Variants in GC observed in about 807,000 individuals in gnomAD.
GC encodes the protein vitamin D-binding protein.
Under a neutral mutation model 56.7 loss-of-function variants are expected in GC, and 43 were observed. The ratio of observed to expected loss-of-function variants is 0.76; its 90% CI spans 0.59 to 0.98. GC has a LOEUF of 0.98. GC is among the 50% of genes least tolerant of loss of function. GC has a pLI of 0.00. For missense variants in GC, 529 were observed against 545.9 expected (o/e 0.97, Z 0.31); for synonymous variants, 216 against 202.7 (o/e 1.07, Z -0.56).
At chr4:71,742,790 T>G (rs1741225501) in intron 12 of GC, among the ~76,000 whole-genome samples, 1 of 152,126 alleles carries the variant, frequency 6.6e-6, no homozygotes, top group Admixed American at 6.6e-5. Context: ...CTGGCTAACA[T>G]GGTGAAACCC....
At chr4:71,803,008 G>A (rs979728761) in intron 1 of GC, among the ~76,000 whole-genome samples, 17 of 152,214 alleles carry the variant, frequency 1.1e-4, no homozygotes, top group African/African-American at 3.4e-4. Flanking sequence ...GTCAGGGACC[G>A]TCTGTATTCA....
chr4:71,747,823 G>A (rs1047387475), intron 11 of GC, among the ~76,000 whole-genome samples: 2 of 152,096 alleles, frequency 1.3e-5, no homozygotes, highest in Admixed American at 1.3e-4. Flanking sequence ...AGACAGAGCT[G>A]GCAAAAATGT....
intron 1 of GC, among the ~76,000 whole-genome samples, chr4:71,782,302 T>C (rs1396460118): frequency 6.6e-6 from 1 of 151,798 alleles, no homozygotes; most frequent in East Asian, 1.9e-4. Flanking sequence ...TGTAACTTCC[T>C]GCCAGGAAGA....
intron 1 of GC, among the ~76,000 whole-genome samples, chr4:71,770,617 T>A (rs1238234532): frequency 6.6e-6 from 1 of 152,112 alleles, no homozygotes; most frequent in African/African-American, 2.4e-5. Context: ...TACTAGCTTC[T>A]CCTTTCCTGT....
At chr4:71,776,830 T>C (rs1323433512) in intron 1 of GC, among the ~76,000 whole-genome samples, 1 of 151,924 alleles carries the variant, frequency 6.6e-6, no homozygotes, top group East Asian at 1.9e-4. Context: ...TGATTTTCTT[T>C]CACTGTTTCC....
At chr4:71,765,748 T>C in intron 3 of GC, 105 bp from the exon 4 acceptor site, 1 of 694,144 alleles carries the variant, frequency 1.4e-6, no homozygotes, top group Non-Finnish European at 2.5e-6. Context: ...AATTCTCATT[T>C]ATAACTATGT....
rs570514098 is a variant in GC, at chr4:71,795,952, A to G, written c.21+7974T>C. Among the ~76,000 whole-genome samples, 27 of 152,310 alleles carry G rather than the reference A, an allele frequency of 1.8e-4. No individual in the cohort carries two copies. In the South Asian group the frequency reaches 2.5e-3, roughly 14 times the overall value. ...GCTGGATATGAAATTCTGGGTTGAC[A>G]ATTCTTTTCTTTAAGAATTTTGAAT... is the stretch of plus-strand genomic sequence containing the variant. On this transcript the variant is annotated intron_variant, in intron 1 of 13. Coordinates refer to the GC transcript ENST00000504199.
chr4:71,756,054 C>T (rs997660593), intron 8 of GC, among the ~76,000 whole-genome samples: 11 of 151,938 alleles, frequency 7.2e-5, no homozygotes, highest in African/African-American at 2.7e-4. Flanking sequence ...TTTACCATTT[C>T]TTTGCATTAA....
chr4:71,796,389 C>A (rs1210735886), intron 1 of GC, among the ~76,000 whole-genome samples: 1 of 152,100 alleles, frequency 6.6e-6, no homozygotes, highest in African/African-American at 2.4e-5. Context: ...CTTAATTTGT[C>A]TTTTCACTCT....
intron 1 of GC, among the ~76,000 whole-genome samples, chr4:71,779,885 T>C (rs1197534945): frequency 6.6e-6 from 1 of 151,802 alleles, no homozygotes; most frequent in Non-Finnish European, 1.5e-5. Context: ...GAAGGAAAAG[T>C]GTAGCTCACC....
intron 11 of GC, among the ~76,000 whole-genome samples, chr4:71,751,284 G>A (rs569963606): frequency 6.6e-6 from 1 of 152,184 alleles, no homozygotes; most frequent in South Asian, 2.1e-4. Context: ...CTCAGAAGTC[G>A]AAGCATAGCT....
intron 9 of GC, 46 bp downstream of exon 9, chr4:71,754,932 C>T (rs747519094): frequency 7.0e-7 from 1 of 1,423,088 alleles, no homozygotes; most frequent in Admixed American, 2.6e-5. Context: ...TATAATTTTC[C>T]AACCCTTGAT....
At chr4:71,761,734 T>C (rs763781791) in intron 6 of GC, among the ~76,000 whole-genome samples, 1 of 152,134 alleles carries the variant, frequency 6.6e-6, no homozygotes, top group East Asian at 1.9e-4. Flanking sequence ...AAGGGGCCAA[T>C]GTAGAGCTTG....
intron 9 of GC, 101 bp from the exon 10 acceptor site, chr4:71,754,609 GGCA>G: frequency 1.4e-6 from 1 of 713,744 alleles, no homozygotes; most frequent in African/African-American, 1.8e-5. Context: ...ATTAAGCATT[GGCA>G]ACTATTTTCT....
chr4:71,748,590 AAAG>A (rs1741451407), intron 11 of GC, among the ~76,000 whole-genome samples: 1 of 152,250 alleles, frequency 6.6e-6, no homozygotes, highest in East Asian at 1.9e-4. Flanking sequence ...TAGAAAGAGA[AAAG>A]AAGATTTCAA....
rs1741617512 is a variant in GC at position 71,753,400 on chromosome 4, AGTT to A, written c.1263-753_1263-751del. ...AAGGGACAAAAGGGTAAGGGGGACC[AGTT>A]AGTTCATAAAAGCATTGTTGAAACA... On this transcript the variant is annotated intron_variant, in intron 10 of 12. Transcript: ENST00000273951. 1.3e-5 allele frequency among the ~76,000 whole-genome samples: 2 copies of A among 151,906 alleles called. 1 individual carries two copies. The highest frequency in any genetic ancestry group is 4.2e-4 in the South Asian group (2 of 4,792).
intron 1 of GC, among the ~76,000 whole-genome samples, chr4:71,802,020 C>T (rs1743265615): frequency 6.6e-6 from 1 of 151,698 alleles, no homozygotes; most frequent in African/African-American, 2.4e-5. Context: ...TGGAAGTGAA[C>T]AAAATATTGA....
intron 1 of GC, among the ~76,000 whole-genome samples, chr4:71,774,179 G>A (rs1742434265): frequency 6.6e-6 from 1 of 151,962 alleles, no homozygotes; most frequent in African/African-American, 2.4e-5. Flanking sequence ...AACTAATCTA[G>A]AAGTTAACTG....
intron 6 of GC, among the ~76,000 whole-genome samples, chr4:71,761,228 G>C (rs1262296887): frequency 6.6e-6 from 1 of 152,164 alleles, no homozygotes. Context: ...TTGGGAACTG[G>C]AGCAAAGGTG....
Sources: gnomAD v4.1 joint callset for allele counts (sites outside exome capture counted in the v4.1 genomes callset) on GRCh38, gnomAD v4.1.1 for gene constraint, MANE v1.5 for transcripts, NCBI Gene and HGNC (gene_info 2026-07-23, HGNC 2026-07-21) for gene names.